Variants in PDHA1 observed in about 807,000 individuals in gnomAD.
PDHA1 encodes pyruvate dehydrogenase E1 component subunit alpha, somatic form, mitochondrial.
Under a neutral mutation model 33.0 loss-of-function variants are expected in PDHA1, and 1 was observed. The observed-to-expected ratio is 0.03, with a 90% CI of 0.01 to 0.14. The LOEUF (loss-of-function observed/expected upper bound fraction) is 0.14. Among genes scored for constraint, PDHA1 ranks in the 10% least tolerant of loss-of-function variants. The pLI is 1.00. For missense variants in PDHA1, 168 were observed against 325.1 expected (o/e 0.52, Z 3.72); for synonymous variants, 123 against 119.2 (o/e 1.03, Z -0.21).
At chrX:19,356,451 G>C (rs1308091735) in intron 8 of PDHA1, among the ~76,000 whole-genome samples, 2 of 111,984 alleles carry the variant, frequency 1.8e-5, no homozygotes, top group Non-Finnish European at 3.8e-5. Flanking sequence ...ACAAAGTGGA[G>C]AGACAGGGAA....
At chrX:19,352,821 A>G in intron 4 of PDHA1, 1 of 408,682 alleles carries the variant, frequency 2.4e-6, no homozygotes, top group Admixed American at 4.1e-5. Flanking sequence ...AAACCCAGAA[A>G]AGTCCAGGGT....
In PDHA1 at chrX:19,361,404, CT is replaced by C. The variant is rs751563348; in HGVS notation, c.*1752del. 4 of 1,207,277 alleles carry C rather than the reference CT, an allele frequency of 3.3e-6. No individual in the cohort carries two copies. The Admixed American group carries it at 8.7e-5, about 26-fold the overall frequency. On this transcript the variant is annotated 3_prime_UTR_variant, in exon 11 of 11. Coordinates refer to ENST00000422285, the MANE Select transcript of PDHA1 (RefSeq NM_000284.4). Reference sequence around the variant, plus strand: ...TAAGAATATCCGAAAGTGTATAACCCTCTTCAACAATCTGAAACAAAGATCA... The same window carrying C: ...TAAGAATATCCGAAAGTGTATAACCCCTTCAACAATCTGAAACAAAGATCA...
At chrX:19,347,743 T>C (rs1213500622) in intron 1 of PDHA1, among the ~76,000 whole-genome samples, 1 of 112,878 alleles carries the variant, frequency 8.9e-6, no homozygotes, top group Non-Finnish European at 1.9e-5. Flanking sequence ...ATCTGTTTGA[T>C]TGCTAAATAT....
At chrX:19,349,886 G>C in intron 2 of PDHA1, 51 bp from the exon 3 acceptor site, 1 of 1,021,484 alleles carries the variant, frequency 9.8e-7, no homozygotes, top group Non-Finnish European at 1.4e-6. Context: ...GTGGTCAACA[G>C]TGTTTGCAAT....
intron 6 of PDHA1, among the ~76,000 whole-genome samples, chrX:19,354,810 A>G (rs1451754802): frequency 2.7e-5 from 3 of 112,843 alleles, no homozygotes; most frequent in Admixed American, 1.9e-4. Context: ...CCTTTGCTCT[A>G]CATCAGTGCT....
At position 19,351,818 on chromosome X, in the gene PDHA1, A is replaced by ATTTTTTTT. The variant is rs2063164889; in HGVS notation, c.418+411_418+412insTTTTTTTT. Among the ~76,000 whole-genome samples the ATTTTTTTT allele has an allele frequency of 1.6e-4, 6 of 38,248 alleles. No homozygotes were observed. In the African/African-American group the frequency reaches 1.8e-3, roughly 12 times the overall value. The allele number at this position is 38,248 out of a possible 115,157, so 33.2% of individuals were successfully genotyped here. The stretch of plus-strand genomic sequence containing the variant: ...TGGTTTTTTTTTTTTTTTTTTTTTG[A>ATTTTTTTT]GACTGTGTCTCACTCCGTTGTCCAG... On this transcript the variant is annotated intron_variant, in intron 4 of 10. Transcript: ENST00000422285.
chrX:19,345,579 A>T (rs2063126449), intron 1 of PDHA1, among the ~76,000 whole-genome samples: 2 of 102,368 alleles, frequency 2.0e-5, no homozygotes, highest in African/African-American at 7.0e-5. Context: ...TTTTAAAAAA[A>T]AAAAAAAAAA....
intron 5 of PDHA1, among the ~76,000 whole-genome samples, chrX:19,353,801 G>A (rs1042083257): frequency 2.8e-4 from 31 of 111,600 alleles, no homozygotes; most frequent in African/African-American, 1.0e-3. Flanking sequence ...TACATTAATT[G>A]CTTTATCTTG....
intron 1 of PDHA1, among the ~76,000 whole-genome samples, chrX:19,346,334 T>C (rs1410384277): frequency 8.9e-6 from 1 of 112,004 alleles, no homozygotes; most frequent in Non-Finnish European, 1.9e-5. Flanking sequence ...ACTTTCGTTT[T>C]GTTTGAGACA....
In PDHA1 at chrX:19,360,562, CTA is replaced by C; in HGVS notation, c.*911_*912del. The C allele has an allele frequency of 5.0e-6, 2 of 396,263 alleles. No homozygotes were observed. The highest frequency in any genetic ancestry group is 8.8e-6 in the Non-Finnish European group (2 of 228,343). 32.7% of individuals were successfully genotyped at this position (396,263 alleles called of 1,213,427 possible). On this transcript the variant is annotated 3_prime_UTR_variant, in exon 11 of 11. Transcript: ENST00000422285. ...CACTGTTTTCACAATACACACAGTT[CTA>C]TGTTTATAAATAACAGGTTTCAAAA...
At position 19,359,766 on chromosome X, in the gene PDHA1, C is replaced by T. The variant is rs182754597; in HGVS notation, c.*113C>T. 214 of 688,734 alleles carry T rather than the reference C, an allele frequency of 3.1e-4. No individual in the cohort carries two copies. Among genetic ancestry groups the T allele is most frequent in the Middle Eastern group, 1.1e-3 (3 of 2,834 alleles). The allele number at this position is 688,734 out of a possible 1,213,427, so 56.8% of individuals were successfully genotyped here. On this transcript the variant is annotated 3_prime_UTR_variant, in exon 11 of 11. Coordinates refer to ENST00000422285, the MANE Select transcript of PDHA1 (RefSeq NM_000284.4). ...AATTCAATGAAATTCTTGGAAACTT[C>T]CATTAAGTGTGTAGATTGAGCAGGT...
At chrX:19,349,071 G>A (rs1173970359) in intron 1 of PDHA1, among the ~76,000 whole-genome samples, 1 of 111,707 alleles carries the variant, frequency 9.0e-6, no homozygotes, top group Non-Finnish European at 1.9e-5. Context: ...TTTGTTTTTT[G>A]CCCCTCTTTG....
At chrX:19,355,866 A>G (rs2063193872) in intron 8 of PDHA1, 109 bp downstream of exon 8, 1 of 597,211 alleles carries the variant, frequency 1.7e-6, no homozygotes, top group Admixed American at 2.5e-5. Flanking sequence ...ATTGAGGTGC[A>G]TGAGATGGAA....
chrX:19,353,529 G>A (rs1272008862), intron 5 of PDHA1, among the ~76,000 whole-genome samples: 1 of 111,777 alleles, frequency 8.9e-6, no homozygotes, highest in Non-Finnish European at 1.9e-5. Flanking sequence ...ATCTAGGTTC[G>A]TGCATTACAG....
intron 1 of PDHA1, 39 bp downstream of exon 1, chrX:19,344,133 G>C: frequency 5.4e-6 from 6 of 1,121,102 alleles, no homozygotes; most frequent in Non-Finnish European, 7.3e-6. Flanking sequence ...GGCGCGAGTG[G>C]GGCTGAGGCG....
Position 19,361,036 on chromosome X carries a change from A to T in PDHA1, c.*1383A>T. 2.4e-6 allele frequency: 1 copy of T among 420,885 alleles called. No homozygotes were observed. The highest frequency in any genetic ancestry group is 4.1e-6 in the Non-Finnish European group (1 of 245,366). 34.7% of individuals were successfully genotyped at this position (420,885 alleles called of 1,213,427 possible). ...TGGCTATTTCAAATGACTCGGGAAC[A>T]AGAAGGCAGGCTGCAGTTTAAAGAA... On this transcript the variant is annotated 3_prime_UTR_variant, in exon 11 of 11. Transcript: ENST00000422285.
chrX:19,343,977 GC>G lies in PDHA1; in HGVS notation c.-60del. 1 of 1,076,115 alleles carries G rather than the reference GC, an allele frequency of 9.3e-7. No homozygotes were observed. The highest frequency in any genetic ancestry group is 1.9e-5 in the South Asian group (1 of 53,118). The allele number at this position is 1,076,115 out of a possible 1,213,427, so 88.7% of individuals were successfully genotyped here. On this transcript the variant is annotated 5_prime_UTR_variant, in exon 1 of 11. Coordinates refer to ENST00000422285, the MANE Select transcript of PDHA1 (RefSeq NM_000284.4). Reference sequence around the variant, plus strand: ...TGGGGCACCTGAAGGAGACTTGGGGGCACCCGCGTCGTGCCTCCTGGGTTGT... The same window carrying G: ...TGGGGCACCTGAAGGAGACTTGGGGGACCCGCGTCGTGCCTCCTGGGTTGT...
At chrX:19,354,610 A>G (rs1262498119) in intron 6 of PDHA1, 27 bp downstream of exon 6, 2 of 875,995 alleles carry the variant, frequency 2.3e-6, no homozygotes, top group African/African-American at 2.0e-5. Flanking sequence ...ACTTCCCAAA[A>G]ACAGTCTTAT....
At position 19,349,408 on chromosome X, in the gene PDHA1, A is replaced by C. The variant is rs915482652; in HGVS notation, c.117+37A>C. The C allele has an allele frequency of 3.7e-6, 3 of 806,775 alleles. No individual in the cohort carries two copies. In the African/African-American group the frequency reaches 6.0e-5, roughly 16 times the overall value. The allele number at this position is 806,775 out of a possible 1,213,427, so 66.5% of individuals were successfully genotyped here. A position where few individuals can be genotyped will look rare whatever the true frequency, so the allele number is the denominator to read the frequency against. ...TTTACTTTGTTAATAATTTTTTCAC[A>C]GGTACACTCTGATATACAGTTTTAC... On this transcript the variant is annotated intron_variant, in intron 2 of 10. Coordinates refer to ENST00000422285, the MANE Select transcript of PDHA1 (RefSeq NM_000284.4).
Sources: gnomAD v4.1 joint callset for allele counts (sites outside exome capture counted in the v4.1 genomes callset) on GRCh38, gnomAD v4.1.1 for gene constraint, MANE v1.5 for transcripts, NCBI Gene and HGNC (gene_info 2026-07-23, HGNC 2026-07-21) for gene names.